ETV6: variants seen among roughly 807,000 people sequenced by gnomAD.
ETV6 encodes the protein transcription factor ETV6.
Under a neutral mutation model 51.1 loss-of-function variants are expected in ETV6, and 16 were observed. The observed-to-expected ratio is 0.31, with a 90% CI of 0.21 to 0.48. The LOEUF (loss-of-function observed/expected upper bound fraction) is 0.48, where lower values mean the gene tolerates loss of function less well. Among genes scored for constraint, ETV6 ranks in the 20% least tolerant of loss-of-function variants. ETV6 has a pLI of 0.99. For missense variants in ETV6, 458 were observed against 594.8 expected (o/e 0.77, Z 2.39); for synonymous variants, 240 against 224.1 (o/e 1.07, Z -0.64).
intron 2 of ETV6, among the ~76,000 whole-genome samples, chr12:11,785,891 G>T (rs1394841495): frequency 1.3e-5 from 2 of 152,148 alleles, no homozygotes; most frequent in Non-Finnish European, 2.9e-5. Flanking sequence ...CTGGACACTG[G>T]CGTTAGCTGG....
rs1464311797 is a variant in ETV6 at position 11,680,332 on chromosome 12, TTTAG to T, written c.33+30174_33+30177del. 2.0e-5 allele frequency among the ~76,000 whole-genome samples: 3 copies of T among 152,230 alleles called. No individual in the cohort carries two copies. The East Asian group carries it at 5.8e-4, about 29-fold the overall frequency. ...TTGCAAAGTGTACCCATGTATGTTA[TTTAG>T]TATTTTCATTGTTCACATTTTTCTC... is the stretch of plus-strand genomic sequence containing the variant. On this transcript the variant is annotated intron_variant, in intron 1 of 7. Transcript: ENST00000396373.
At chr12:11,832,011 C>T (rs920677078) in intron 2 of ETV6, among the ~76,000 whole-genome samples, 6 of 151,880 alleles carry the variant, frequency 4.0e-5, no homozygotes, top group South Asian at 2.1e-4. Flanking sequence ...TAATGAGCTC[C>T]GATTTTTAAA....
chr12:11,805,429 G>C (rs1363854263), intron 2 of ETV6, among the ~76,000 whole-genome samples: 2 of 152,158 alleles, frequency 1.3e-5, no homozygotes, highest in Admixed American at 6.5e-5. Context: ...GACAGGAGCA[G>C]GGATAGACAA....
chr12:11,810,879 G>A (rs894274529), intron 2 of ETV6, among the ~76,000 whole-genome samples: 8 of 152,076 alleles, frequency 5.3e-5, no homozygotes, highest in Non-Finnish European at 7.4e-5. Flanking sequence ...ATCACTGAGC[G>A]ATGGCCACCC....
At position 11,766,975 on chromosome 12, in the gene ETV6, T is replaced by C. The variant is rs79247268; in HGVS notation, c.163+14396T>C. 2.8e-3 allele frequency among the ~76,000 whole-genome samples: 429 copies of C among 152,352 alleles called. 3 individuals carry two copies. The highest frequency in any genetic ancestry group is 0.01 in the African/African-American group (416 of 41,562). On this transcript the variant is annotated intron_variant, in intron 2 of 7. Coordinates refer to ENST00000396373, the MANE Select transcript of ETV6 (RefSeq NM_001987.5). ...AGTTCCATCAGCCTGCATGTGGTGC[T>C]TTGTTTTGTTTCTGAAATTGACATG... is the stretch of plus-strand genomic sequence containing the variant.
intron 1 of ETV6, among the ~76,000 whole-genome samples, chr12:11,735,306 G>A (rs1366647745): frequency 6.6e-6 from 1 of 152,072 alleles, no homozygotes; most frequent in Non-Finnish European, 1.5e-5. Context: ...TAAGCCTTTG[G>A]CTTCTTGATG....
intron 2 of ETV6, among the ~76,000 whole-genome samples, chr12:11,766,577 C>G (rs755178520): frequency 2.0e-5 from 3 of 152,182 alleles, no homozygotes; most frequent in Non-Finnish European, 4.4e-5. Context: ...GAACAGCTCT[C>G]GAGAGCAGCC....
chr12:11,895,268 T>C lies in ETV6; in HGVS notation c.*4222T>C, dbSNP rs935907106. 1 of 213,130 alleles carries C rather than the reference T, an allele frequency of 4.7e-6. No homozygotes were observed. Among genetic ancestry groups the C allele is most frequent in the African/African-American group, 2.4e-5 (1 of 42,408 alleles). The allele number at this position is 213,130 out of a possible 1,614,324, so 13.2% of individuals were successfully genotyped here. ...GGTGTGGGGTTTATAAGGGACTGAA[T>C]CAAATGAATGTAACAAAAAAGAAAA... is the stretch of plus-strand genomic sequence containing the variant. On this transcript the variant is annotated 3_prime_UTR_variant, in exon 8 of 8. Coordinates refer to ENST00000396373, the MANE Select transcript of ETV6 (RefSeq NM_001987.5).
At chr12:11,692,763 G>T (rs1864791930) in intron 1 of ETV6, among the ~76,000 whole-genome samples, 2 of 152,140 alleles carry the variant, frequency 1.3e-5, no homozygotes, top group African/African-American at 2.4e-5. Context: ...TTTAGAATGC[G>T]TTATGAGGCC....
chr12:11,698,338 C>A (rs1488719366), intron 1 of ETV6, among the ~76,000 whole-genome samples: 1 of 152,218 alleles, frequency 6.6e-6, no homozygotes, highest in East Asian at 1.9e-4. Flanking sequence ...ATCTCAGTTT[C>A]TTTGGGTCAA....
At chr12:11,694,833 A>G (rs968124682) in intron 1 of ETV6, among the ~76,000 whole-genome samples, 3 of 152,010 alleles carry the variant, frequency 2.0e-5, no homozygotes, top group Non-Finnish European at 4.4e-5. Context: ...TGGAGATGCT[A>G]TTTTTCCTCT....
chr12:11,754,393 C>T (rs2121077187), intron 2 of ETV6, among the ~76,000 whole-genome samples: 1 of 152,258 alleles, frequency 6.6e-6, no homozygotes. Context: ...TTGCAACATC[C>T]CCCAAGGAGG....
At chr12:11,712,370 G>A (rs1865189832) in intron 1 of ETV6, among the ~76,000 whole-genome samples, 5 of 152,218 alleles carry the variant, frequency 3.3e-5, no homozygotes, top group Non-Finnish European at 1.5e-5. Context: ...GAGGTCCTGT[G>A]TGGAAGAAAG....
chr12:11,650,506 A>C (rs1423539718), intron 1 of ETV6, among the ~76,000 whole-genome samples: 2 of 139,006 alleles, frequency 1.4e-5, no homozygotes, highest in African/African-American at 2.6e-5. Flanking sequence ...CAAAAAACAA[A>C]AAAAAAAAAC....
intron 5 of ETV6, among the ~76,000 whole-genome samples, chr12:11,880,060 A>AAAAAAAAAAAAT (rs1555146714): frequency 6.6e-6 from 1 of 151,942 alleles, no homozygotes. Context: ...AAGGAAAAAA[A>AAAAAAAAAAAAT]ATCTATTGTG....
At chr12:11,816,993 G>A (rs541813737) in intron 2 of ETV6, among the ~76,000 whole-genome samples, 1 of 152,324 alleles carries the variant, frequency 6.6e-6, no homozygotes, top group African/African-American at 2.4e-5. Flanking sequence ...GGGGCAGGAA[G>A]CAATGCTTTC....
chr12:11,815,458 T>C (rs1945977484), intron 2 of ETV6, among the ~76,000 whole-genome samples: 1 of 152,220 alleles, frequency 6.6e-6, no homozygotes, highest in Non-Finnish European at 1.5e-5. Context: ...TGCAAGTTGG[T>C]GCATTAGACA....
chr12:11,695,958 T>G lies in ETV6; in HGVS notation c.33+45798T>G, dbSNP rs571127462. Among the ~76,000 whole-genome samples the G allele has an allele frequency of 2.6e-5, 4 of 152,204 alleles. No homozygotes were observed. The East Asian group carries it at 7.7e-4, about 29-fold the overall frequency. The stretch of plus-strand genomic sequence containing the variant: ...ATTACCAAGCCTCTTGCAGTTCCTG[T>G]GGTCTAATTCCTTCATTTTAGAGAT... On this transcript the variant is annotated intron_variant, in intron 1 of 7. Coordinates refer to ENST00000396373, the MANE Select transcript of ETV6 (RefSeq NM_001987.5).
At chr12:11,878,286 T>TA (rs940560027) in intron 5 of ETV6, among the ~76,000 whole-genome samples, 5 of 152,162 alleles carry the variant, frequency 3.3e-5, no homozygotes, top group Admixed American at 6.5e-5. Context: ...TTTTAAAAGA[T>TA]AAAAAAACAT....
Sources: gnomAD v4.1 joint callset for allele counts (sites outside exome capture counted in the v4.1 genomes callset) on GRCh38, gnomAD v4.1.1 for gene constraint, MANE v1.5 for transcripts, NCBI Gene and HGNC (gene_info 2026-07-23, HGNC 2026-07-21) for gene names.